ZNF521: variants seen among roughly 807,000 people sequenced by gnomAD.
ZNF521 encodes the protein zinc finger protein 521, also known as LYST-interacting protein 3.
Under a neutral mutation model 105.5 loss-of-function variants are expected in ZNF521, and 14 were observed. That is an observed-to-expected ratio of 0.13 (90% CI 0.09 to 0.21). ZNF521 has a LOEUF of 0.21. ZNF521 is among the 10% of genes least tolerant of loss of function. The pLI, the probability that ZNF521 is intolerant of heterozygous loss-of-function variation, is 1.00. For synonymous variants in ZNF521, 635 were observed against 606.0 expected, an observed-to-expected ratio of 1.05 and a Z score of -0.70; for missense variants, 1,233 against 1,629.7, an observed-to-expected ratio of 0.76 and a Z score of 4.19.
intron 2 of ZNF521, among the ~76,000 whole-genome samples, chr18:25,342,408 GT>G (rs756445552): frequency 2.0e-4 from 22 of 110,958 alleles, no homozygotes; most frequent in African/African-American, 5.4e-4. Flanking sequence ...TCTTTCCTTT[GT>G]TTTTTTTTTG....
At chr18:25,296,045 C>T (rs1372070986) in intron 3 of ZNF521, among the ~76,000 whole-genome samples, 1 of 152,214 alleles carries the variant, frequency 6.6e-6, no homozygotes, top group Admixed American at 6.5e-5. Context: ...AAGCACTGCA[C>T]AATCACAGAC....
chr18:25,273,791 T>C (rs995546747), intron 3 of ZNF521, among the ~76,000 whole-genome samples: 1 of 152,208 alleles, frequency 6.6e-6, no homozygotes, highest in East Asian at 1.9e-4. Context: ...TCTACCACAA[T>C]GTTGCATCTT....
intron 3 of ZNF521, among the ~76,000 whole-genome samples, chr18:25,316,066 A>G (rs1293259375): frequency 1.3e-5 from 2 of 152,164 alleles, no homozygotes; most frequent in African/African-American, 4.8e-5. Flanking sequence ...TTGTTCATCA[A>G]AAAGTCTTCA....
At chr18:25,150,599 A>G (rs1035219839) in intron 5 of ZNF521, among the ~76,000 whole-genome samples, 2 of 152,184 alleles carry the variant, frequency 1.3e-5, no homozygotes, top group Non-Finnish European at 2.9e-5. Context: ...AATAAAATAC[A>G]TGAAGGACTT....
chr18:25,225,955 T>G lies in ZNF521; in HGVS notation c.1963A>C (p.Thr655Pro). 6.2e-7 allele frequency: 1 copy of G among 1,613,930 alleles called. No homozygotes were observed. Among genetic ancestry groups the G allele is most frequent in the Non-Finnish European group, 8.5e-7 (1 of 1,179,966 alleles). ...SLDSFQTHLK[T>P]HLDTVLPKLT... is the part of the protein sequence containing the mutation. ...TTTGGAAGCACAGTGTCGAGATGAG[T>G]TTTTAGGTGAGTCTGAAAGCTGTCT... The change falls in exon 4 of 8, where the codon ACT (threonine) becomes CCT (proline). Residue 655 changes from threonine (T) to proline (P), a missense_variant. Transcript: ENST00000361524. This position sits in a 1 kb window ranked among gnomAD's most constrained non-coding sequence, Gnocchi z 5.6.
At chr18:25,320,302 A>G (rs1228395102) in intron 3 of ZNF521, among the ~76,000 whole-genome samples, 3 of 152,078 alleles carry the variant, frequency 2.0e-5, no homozygotes, top group African/African-American at 7.2e-5. Context: ...CCTCCTGAGT[A>G]GCTGGGATTA....
intron 5 of ZNF521, among the ~76,000 whole-genome samples, chr18:25,157,865 C>T (rs898142067): frequency 2.0e-5 from 3 of 152,030 alleles, no homozygotes; most frequent in African/African-American, 7.3e-5. Flanking sequence ...GATTCTCCTG[C>T]CTCAGCCTCC....
At chr18:25,280,754 C>T (rs183787464) in intron 3 of ZNF521, among the ~76,000 whole-genome samples, 2 of 152,118 alleles carry the variant, frequency 1.3e-5, no homozygotes, top group East Asian at 3.9e-4. Context: ...CAATTTAAAG[C>T]AAAAGTAAAT....
At chr18:25,268,997 G>A (rs1461404055) in intron 3 of ZNF521, among the ~76,000 whole-genome samples, 1 of 151,360 alleles carries the variant, frequency 6.6e-6, no homozygotes, top group Non-Finnish European at 1.5e-5. Context: ...ATTGGATAAA[G>A]AGTCAAGACC....
intron 2 of ZNF521, among the ~76,000 whole-genome samples, chr18:25,339,735 G>A (rs1171804003): frequency 6.6e-6 from 1 of 152,202 alleles, no homozygotes; most frequent in African/African-American, 2.4e-5. Context: ...GTTCTCAAAA[G>A]GCTTATAGAG....
At chr18:25,143,541 A>G (rs2034890125) in intron 5 of ZNF521, among the ~76,000 whole-genome samples, 2 of 152,184 alleles carry the variant, frequency 1.3e-5, no homozygotes, top group Admixed American at 6.6e-5. Context: ...TTTAAAGTTC[A>G]CCATCATTTT....
intron 5 of ZNF521, among the ~76,000 whole-genome samples, chr18:25,161,817 G>T (rs1260117007): frequency 6.6e-6 from 1 of 152,110 alleles, no homozygotes; most frequent in African/African-American, 2.4e-5. Flanking sequence ...CAGACTAACA[G>T]GGCACTGCAA....
intron 5 of ZNF521, among the ~76,000 whole-genome samples, chr18:25,104,452 G>A (rs1282195740): frequency 6.6e-6 from 1 of 152,190 alleles, no homozygotes; most frequent in Non-Finnish European, 1.5e-5. Context: ...GGACTGTAAA[G>A]TTTATTTCCT....
At position 25,062,581 on chromosome 18, in the gene ZNF521, A is replaced by G. The variant is rs527979616; in HGVS notation, c.*131T>C. 2.5e-5 allele frequency: 31 copies of G among 1,241,722 alleles called. No individual in the cohort carries two copies. The South Asian group carries it at 3.8e-4, about 15-fold the overall frequency. 76.9% of individuals were successfully genotyped at this position (1,241,722 alleles called of 1,614,324 possible). A position where few individuals can be genotyped will look rare whatever the true frequency, so the allele number is the denominator to read the frequency against. On this transcript the variant is annotated 3_prime_UTR_variant, in exon 8 of 8. Transcript: ENST00000361524. The stretch of plus-strand genomic sequence containing the variant: ...ACACATGAACATCCAACAGTTTGAT[A>G]ATACAAGTTTTATGGTACAATACAA...
chr18:25,146,831 C>A (rs1407275410), intron 5 of ZNF521, among the ~76,000 whole-genome samples: 2 of 151,890 alleles, frequency 1.3e-5, no homozygotes, highest in Non-Finnish European at 1.5e-5. Flanking sequence ...TGATTTTTTA[C>A]CCATGTTTTA....
At chr18:25,114,356 T>C (rs1318719437) in intron 5 of ZNF521, among the ~76,000 whole-genome samples, 3 of 151,968 alleles carry the variant, frequency 2.0e-5, no homozygotes, top group Non-Finnish European at 4.4e-5. Context: ...TTGATAGGAG[T>C]GGTCAAAATG....
chr18:25,240,865 G>T (rs973785306), intron 3 of ZNF521, among the ~76,000 whole-genome samples: 5 of 150,526 alleles, frequency 3.3e-5, no homozygotes, highest in Non-Finnish European at 5.9e-5. Flanking sequence ...TCTTATCCAG[G>T]TTCCCTTACC....
At chr18:25,290,466 G>A (rs1371881158) in intron 3 of ZNF521, among the ~76,000 whole-genome samples, 2 of 152,064 alleles carry the variant, frequency 1.3e-5, no homozygotes, top group African/African-American at 2.4e-5. Context: ...TGGGCCCCTC[G>A]CTGGGAGCCC....
intron 5 of ZNF521, among the ~76,000 whole-genome samples, chr18:25,152,752 T>C (rs973603267): frequency 8.5e-5 from 13 of 152,228 alleles, no homozygotes; most frequent in Non-Finnish European, 1.9e-4. Context: ...GTCTGAGATC[T>C]GCTACAGGTT....
Sources: gnomAD v4.1 joint callset for allele counts (sites outside exome capture counted in the v4.1 genomes callset) on GRCh38, gnomAD v4.1.1 for gene constraint, Gnocchi (gnomAD v3.1) non-coding constraint, MANE v1.5 for transcripts, NCBI Gene and HGNC (gene_info 2026-07-23, HGNC 2026-07-21) for gene names.